CFH: variants seen among roughly 807,000 people sequenced by gnomAD.
CFH encodes the protein complement factor H.
CFH carries 53 observed loss-of-function variants against 147.3 expected under a neutral mutation model. That is an observed-to-expected ratio of 0.36 (90% CI 0.29 to 0.45). The LOEUF is 0.45. Ranked by LOEUF, CFH falls within the 20% of genes least tolerant of loss-of-function variation. CFH has a pLI of 1.00. For missense variants in CFH, 1,380 were observed against 1,498.0 expected (o/e 0.92, Z 1.30); for synonymous variants, 536 against 489.4 (o/e 1.10, Z -1.26).
intron 11 of CFH, among the ~76,000 whole-genome samples, chr1:196,716,100 G>GT (rs1283048053): frequency 1.3e-5 from 2 of 151,720 alleles, no homozygotes; most frequent in South Asian, 2.1e-4. Context: ...CAGCTAATTT[G>GT]TTTTTTTAAT....
intron 9 of CFH, among the ~76,000 whole-genome samples, chr1:196,707,489 C>T (rs1225485299): frequency 6.6e-6 from 1 of 152,194 alleles, no homozygotes; most frequent in African/African-American, 2.4e-5. Context: ...CTGGGTTCTG[C>T]TCAAGACCAG....
At chr1:196,727,645 A>G (rs985668975) in intron 14 of CFH, among the ~76,000 whole-genome samples, 2 of 152,200 alleles carry the variant, frequency 1.3e-5, no homozygotes, top group Non-Finnish European at 2.9e-5. Context: ...AACAAAGTTG[A>G]CAAAATACCT....
In CFH at chr1:196,652,166, G is replaced by A; in HGVS notation, c.49G>A (p.Val17Ile). ...TTGCCTTATGTTATGGGCTATTTGTGTAGCAGAAGGTAAGATTAAAAGAGA... is the reference window on the plus strand; with the variant it reads ...TTGCCTTATGTTATGGGCTATTTGTATAGCAGAAGGTAAGATTAAAAGAGA... ...IICLMLWAIC[V>I]AEDCNELPPR... The change falls in exon 1 of 22, where the codon GTA (valine) becomes ATA (isoleucine). Residue 17 changes from valine (V) to isoleucine (I), a missense_variant. Physicochemically the swap from Val to Ile is conservative, Grantham distance 29. This residue lies in a region of CFH where 260 missense variants were observed against 263.3 expected (regional missense o/e 0.99). Transcript: ENST00000367429. 7 of 1,608,812 alleles carry A rather than the reference G, an allele frequency of 4.4e-6. No homozygotes were observed. Among genetic ancestry groups the A allele is most frequent in the Non-Finnish European group, 6.0e-6 (7 of 1,175,326 alleles).
intron 9 of CFH, among the ~76,000 whole-genome samples, chr1:196,709,240 A>G (rs533798010): frequency 2.0e-5 from 3 of 152,216 alleles, no homozygotes; most frequent in Admixed American, 6.5e-5. Flanking sequence ...TTTCCAGTCC[A>G]TTTTTCAAGG....
chr1:196,704,073 G>GTTGTT (rs894108893), intron 9 of CFH, among the ~76,000 whole-genome samples: 8 of 148,600 alleles, frequency 5.4e-5, no homozygotes, highest in African/African-American at 9.9e-5. Flanking sequence ...CTTTTTTGTT[G>GTTGTT]TTGTTTTGTT....
At chr1:196,700,116 T>C (rs977668825) in intron 9 of CFH, among the ~76,000 whole-genome samples, 19 of 152,156 alleles carry the variant, frequency 1.2e-4, no homozygotes, top group African/African-American at 4.3e-4. Flanking sequence ...AGAATGTACT[T>C]TCCATATCCT....
At chr1:196,747,001 T>C in intron 21 of CFH, 110 bp from the exon 22 acceptor site, 1 of 1,552,574 alleles carries the variant, frequency 6.4e-7, no homozygotes, top group East Asian at 2.3e-5. Flanking sequence ...TGGATAGTGT[T>C]TTGAGAAATA....
intron 1 of CFH, among the ~76,000 whole-genome samples, chr1:196,666,889 G>C (rs2149073669): frequency 6.6e-6 from 1 of 152,064 alleles, no homozygotes. Flanking sequence ...ATGTCTAGTG[G>C]TCAGGGAGTA....
chr1:196,654,165 C>T (rs1666598163), intron 1 of CFH, among the ~76,000 whole-genome samples: 1 of 151,888 alleles, frequency 6.6e-6, no homozygotes, highest in Non-Finnish European at 1.5e-5. Flanking sequence ...TACTGAATAC[C>T]AAATTGAGAA....
chr1:196,736,731 CAT>C (rs1669412273), intron 15 of CFH, 91 bp from the exon 16 acceptor site: 2 of 518,958 alleles, frequency 3.9e-6, no homozygotes, highest in South Asian at 6.6e-5. Flanking sequence ...CTATTTTAAT[CAT>C]ATAAATTATT....
intron 11 of CFH, among the ~76,000 whole-genome samples, chr1:196,722,326 G>A (rs1371835565): frequency 6.6e-6 from 1 of 152,028 alleles, no homozygotes; most frequent in African/African-American, 2.4e-5. Context: ...ATGAAGTTTA[G>A]TTTAGCAAAA....
chr1:196,682,902 C>T (rs1433591623), intron 6 of CFH, among the ~76,000 whole-genome samples: 2 of 151,284 alleles, frequency 1.3e-5, no homozygotes, highest in Non-Finnish European at 3.0e-5. Flanking sequence ...GAAGTATAAA[C>T]TTAGGAGCTG....
intron 1 of CFH, among the ~76,000 whole-genome samples, chr1:196,659,202 C>T (rs1474351800): frequency 2.0e-5 from 3 of 152,188 alleles, no homozygotes; most frequent in Non-Finnish European, 4.4e-5. Flanking sequence ...CGTTTGTTGT[C>T]TACTTGAAGG....
chr1:196,677,999 C>G (rs1468339974), intron 5 of CFH: 4 of 341,688 alleles, frequency 1.2e-5, no homozygotes, highest in Non-Finnish European at 2.3e-5. Flanking sequence ...CATGCTTTAA[C>G]CATAACTCCA....
chr1:196,689,783 T>C (rs1209907154), intron 8 of CFH, among the ~76,000 whole-genome samples, 169 bp downstream of exon 8: 3 of 152,138 alleles, frequency 2.0e-5, no homozygotes. Flanking sequence ...GGGTTTCTTC[T>C]TGAAAATCAC....
At chr1:196,670,439 T>C (rs567555759) in intron 1 of CFH, among the ~76,000 whole-genome samples, 3 of 152,150 alleles carry the variant, frequency 2.0e-5, no homozygotes, top group South Asian at 4.1e-4. Context: ...AAGGACCCAG[T>C]GGGACGTGCT....
At chr1:196,700,553 C>T (rs1668419371) in intron 9 of CFH, among the ~76,000 whole-genome samples, 1 of 151,100 alleles carries the variant, frequency 6.6e-6, no homozygotes, top group Non-Finnish European at 1.5e-5. Context: ...ACTTGGGAGG[C>T]TGAGGCTGGA....
At chr1:196,692,778 C>A (rs1480620174) in intron 9 of CFH, among the ~76,000 whole-genome samples, 1 of 91,818 alleles carries the variant, frequency 1.1e-5, no homozygotes, top group African/African-American at 4.5e-5. Flanking sequence ...TTCTTTCTTT[C>A]TTTCTTTCTT....
intron 7 of CFH, among the ~76,000 whole-genome samples, chr1:196,686,364 G>C (rs1432242914): frequency 6.6e-6 from 1 of 152,056 alleles, no homozygotes; most frequent in African/African-American, 2.4e-5. Context: ...AGGACTCCAA[G>C]TCTTAGTCAT....
Sources: allele counts gnomAD v4.1 joint callset (sites outside exome capture counted in the v4.1 genomes callset), GRCh38; gene constraint gnomAD v4.1.1; regional missense constraint gnomAD v4.1.1; transcripts MANE v1.5; gene names NCBI Gene and HGNC (gene_info 2026-07-23, HGNC 2026-07-21).